Variants in PPP1R1C observed in about 807,000 individuals in gnomAD.
PPP1R1C encodes protein phosphatase 1 regulatory inhibitor subunit 1C.
A neutral mutation model predicts 17.4 loss-of-function variants in PPP1R1C; 15 were observed. The observed-to-expected ratio is 0.86, with a 90% CI of 0.58 to 1.33. PPP1R1C has a LOEUF of 1.33. PPP1R1C is among the 40% of genes most tolerant of loss of function. The pLI is 0.00. For missense variants in PPP1R1C, 143 were observed against 130.0 expected, an observed-to-expected ratio of 1.10 and a Z score of -0.48; for synonymous variants, 35 against 43.1, an observed-to-expected ratio of 0.81 and a Z score of 0.73.
At chr2:182,057,815 C>G (rs1256999196) in intron 2 of PPP1R1C, among the ~76,000 whole-genome samples, 1 of 152,020 alleles carries the variant, frequency 6.6e-6, no homozygotes, top group African/African-American at 2.4e-5. Flanking sequence ...AATCATGACT[C>G]TCTGTTGCTC....
chr2:182,050,017 G>A (rs557375472), intron 2 of PPP1R1C, among the ~76,000 whole-genome samples: 2 of 152,296 alleles, frequency 1.3e-5, no homozygotes, highest in South Asian at 4.2e-4. Flanking sequence ...TGAATAGTGA[G>A]CCTCTAGTTC....
intron 2 of PPP1R1C, among the ~76,000 whole-genome samples, chr2:181,990,039 A>G (rs901205692): frequency 3.9e-5 from 6 of 152,234 alleles, no homozygotes; most frequent in Admixed American, 6.5e-5. Context: ...ACAACAAAGA[A>G]ACAAACAGCA....
At chr2:181,990,746 CAAAT>C (rs1325940835) in intron 2 of PPP1R1C, among the ~76,000 whole-genome samples, 2 of 152,154 alleles carry the variant, frequency 1.3e-5, no homozygotes, top group African/African-American at 4.8e-5. Flanking sequence ...AACAACAAAA[CAAAT>C]AAGAGTAACA....
chr2:182,039,141 G>A (rs1687105475), intron 2 of PPP1R1C, among the ~76,000 whole-genome samples: 1 of 152,082 alleles, frequency 6.6e-6, no homozygotes, highest in Non-Finnish European at 1.5e-5. Flanking sequence ...TATAAGTATT[G>A]ATCTTCTTTT....
downstream of PPP1R1C, among the ~76,000 whole-genome samples, chr2:182,118,495 T>A (rs753252573): frequency 3.4e-4 from 52 of 152,062 alleles, no homozygotes; most frequent in Non-Finnish European, 6.6e-4. Flanking sequence ...AATAAAAAGA[T>A]TTCTCAAAAG....
At chr2:181,973,379 C>T (rs908756686) in intron 1 of PPP1R1C, among the ~76,000 whole-genome samples, 12 of 152,264 alleles carry the variant, frequency 7.9e-5, no homozygotes, top group African/African-American at 2.6e-4. Context: ...GCAGAGTTTA[C>T]GCAGAGCCAG....
rs376793770 is a variant in PPP1R1C at position 181,967,186 on chromosome 2, C to T, written n.112-8033C>T. On this transcript the variant is annotated intron_variant and non_coding_transcript_variant, in intron 1 of 5. Coordinates refer to the PPP1R1C transcript ENST00000464264. This position sits in a 1 kb window ranked among gnomAD's most constrained non-coding sequence, Gnocchi z 5.5. ...CTCTGATTTTATTTATTTGAGTCTT[C>T]TCTCGTTTTTTGTTAGTAAGTCTGG... is the stretch of plus-strand genomic sequence containing the variant. Among the ~76,000 whole-genome samples the T allele has an allele frequency of 8.6e-5, 13 of 152,010 alleles. No individual in the cohort carries two copies. The highest frequency in any genetic ancestry group is 2.9e-4 in the African/African-American group (12 of 41,420).
In PPP1R1C at chr2:182,104,363, T is replaced by A. The variant is rs112776169; in HGVS notation, c.242-12844T>A. 3.3e-5 allele frequency among the ~76,000 whole-genome samples: 5 copies of A among 152,334 alleles called. 2 individuals carry two copies. The highest frequency in any genetic ancestry group is 1.2e-4 in the African/African-American group (5 of 41,570). ...ATTAGGTTGAGGTATACTCCTTTTA[T>A]ACCTAATTTGTTAAGTGGTTTTATC... On this transcript the variant is annotated intron_variant, in intron 4 of 4. Transcript: ENST00000682840.
chr2:182,021,129 G>C (rs557259988), intron 2 of PPP1R1C, among the ~76,000 whole-genome samples: 1 of 152,214 alleles, frequency 6.6e-6, no homozygotes, highest in South Asian at 2.1e-4. Context: ...GAAAGAATGG[G>C]CTGGAGTGTA....
chr2:181,978,761 G>A (rs768669698), intron 2 of PPP1R1C, among the ~76,000 whole-genome samples: 21 of 152,204 alleles, frequency 1.4e-4, no homozygotes, highest in Non-Finnish European at 2.6e-4. Context: ...TAGGCCAGCC[G>A]AGATTTGAAG....
intron 2 of PPP1R1C, among the ~76,000 whole-genome samples, chr2:181,997,907 T>C (rs1475567857): frequency 6.6e-6 from 1 of 152,240 alleles, no homozygotes; most frequent in Non-Finnish European, 1.5e-5. Flanking sequence ...GGATCATCTC[T>C]GGCTCCTCTA....
At chr2:182,054,422 C>T (rs1687620463) in intron 2 of PPP1R1C, among the ~76,000 whole-genome samples, 1 of 152,104 alleles carries the variant, frequency 6.6e-6, no homozygotes, top group Non-Finnish European at 1.5e-5. Flanking sequence ...CCTCTTGCTA[C>T]TACTTTATAT....
chr2:182,079,662 G>A (rs1309707136), intron 4 of PPP1R1C, among the ~76,000 whole-genome samples: 3 of 152,158 alleles, frequency 2.0e-5, no homozygotes, highest in Non-Finnish European at 4.4e-5. Context: ...CCACAAACTT[G>A]GTACTTAACA....
At chr2:182,097,559 A>T (rs1688978617) in intron 4 of PPP1R1C, among the ~76,000 whole-genome samples, 1 of 152,144 alleles carries the variant, frequency 6.6e-6, no homozygotes, top group Non-Finnish European at 1.5e-5. Flanking sequence ...TCATTGGTTC[A>T]CCCCTTTAGT....
intron 2 of PPP1R1C, among the ~76,000 whole-genome samples, chr2:181,998,112 G>GCCTAA: frequency 6.6e-6 from 1 of 152,266 alleles, no homozygotes; most frequent in Middle Eastern, 3.4e-3. Context: ...AGGACTAAGA[G>GCCTAA]CCTAACCTTA....
intron 1 of PPP1R1C, among the ~76,000 whole-genome samples, chr2:181,960,217 A>G (rs908649445): frequency 1.3e-5 from 2 of 152,216 alleles, no homozygotes; most frequent in Non-Finnish European, 2.9e-5. Flanking sequence ...ACCAAAAATT[A>G]TAGTGGAGAA....
chr2:182,101,251 A>G (rs967245857), intron 4 of PPP1R1C, among the ~76,000 whole-genome samples: 5 of 152,174 alleles, frequency 3.3e-5, no homozygotes, highest in Non-Finnish European at 7.4e-5. Context: ...CCCAAAATTG[A>G]CTTGTAAGGA....
rs1684827879 is a variant in PPP1R1C, at chr2:181,962,838, T to A, written n.111+8204T>A. 1.3e-5 allele frequency among the ~76,000 whole-genome samples: 2 copies of A among 152,074 alleles called. No individual in the cohort carries two copies. Among genetic ancestry groups the A allele is most frequent in the Admixed American group, 1.3e-4 (2 of 15,274 alleles). On this transcript the variant is annotated intron_variant and non_coding_transcript_variant, in intron 1 of 5. Coordinates refer to the PPP1R1C transcript ENST00000464264. This position sits in a 1 kb window ranked among gnomAD's most constrained non-coding sequence, Gnocchi z 6.0. The stretch of plus-strand genomic sequence containing the variant: ...CTAACCAGGGACCTTCACATCCACA[T>A]GAAGACAGGGGAAGGAAGGAGAATC...
At chr2:182,129,758 GA>G (rs1689962423) in exon 6 of PPP1R1C, 1 of 152,026 alleles carries the variant, frequency 6.6e-6, no homozygotes, top group African/African-American at 2.4e-5. Flanking sequence ...ATAGATTTTA[GA>G]ATAAAAAAGC....
Sources: gnomAD v4.1 joint callset for allele counts (sites outside exome capture counted in the v4.1 genomes callset) on GRCh38, gnomAD v4.1.1 for gene constraint, Gnocchi (gnomAD v3.1) non-coding constraint, MANE v1.5 for transcripts, NCBI Gene and HGNC (gene_info 2026-07-23, HGNC 2026-07-21) for gene names.